EPB41L5: variants seen among roughly 807,000 people sequenced by gnomAD.
The protein encoded by EPB41L5 is band 4.1-like protein 5.
A neutral mutation model predicts 106.6 loss-of-function variants in EPB41L5; 55 were observed. The ratio of observed to expected loss-of-function variants is 0.52; its 90% CI spans 0.42 to 0.65. The LOEUF is 0.65. Among genes scored for constraint, EPB41L5 ranks in the 30% least tolerant of loss-of-function variants. The pLI, the probability that EPB41L5 is intolerant of heterozygous loss-of-function variation, is 0.00. For missense variants in EPB41L5, 871 were observed against 882.1 expected (o/e 0.99, Z 0.16); for synonymous variants, 297 against 306.7 (o/e 0.97, Z 0.33).
intron 20 of EPB41L5, 31 bp from the exon 21 acceptor site, chr2:120,160,850 A>G (rs972837075): frequency 6.5e-7 from 1 of 1,530,834 alleles, no homozygotes; most frequent in Admixed American, 1.7e-5. Flanking sequence ...TACAGGTCCT[A>G]CATGATGTGA....
intron 3 of EPB41L5, among the ~76,000 whole-genome samples, chr2:120,061,031 G>GGTTT: frequency 1.4e-5 from 1 of 69,100 alleles, no homozygotes; most frequent in Non-Finnish European, 2.5e-5. Flanking sequence ...GTTCAGGGAA[G>GGTTT]TTTTTTTTTT....
At chr2:120,041,592 T>C (rs1332007093) in intron 2 of EPB41L5, among the ~76,000 whole-genome samples, 1 of 152,208 alleles carries the variant, frequency 6.6e-6, no homozygotes, top group Non-Finnish European at 1.5e-5. Flanking sequence ...CTCTAAAATC[T>C]GTTTGCAAGT....
At chr2:120,085,504 T>C (rs903926000) in intron 10 of EPB41L5, among the ~76,000 whole-genome samples, 4 of 152,166 alleles carry the variant, frequency 2.6e-5, no homozygotes, top group Non-Finnish European at 5.9e-5. Flanking sequence ...CCGTGTGAGA[T>C]GTCAGTGTGC....
chr2:120,049,036 A>G (rs948254546), intron 3 of EPB41L5, among the ~76,000 whole-genome samples: 3 of 152,166 alleles, frequency 2.0e-5, no homozygotes, highest in Non-Finnish European at 2.9e-5. Context: ...ACAGTTTGTT[A>G]TAATTTCTAT....
intron 16 of EPB41L5, among the ~76,000 whole-genome samples, chr2:120,110,294 C>G (rs924413443): frequency 3.9e-5 from 6 of 152,166 alleles, no homozygotes; most frequent in African/African-American, 1.2e-4. Flanking sequence ...TCTAACAAGC[C>G]ATTGTTTTTA....
chr2:120,142,172 C>G (rs1411386655), intron 18 of EPB41L5, among the ~76,000 whole-genome samples: 1 of 149,396 alleles, frequency 6.7e-6, no homozygotes, highest in African/African-American at 2.5e-5. Flanking sequence ...CCATCTTGAC[C>G]ATTTTTAAGT....
chr2:120,116,440 G>A (rs766929828), intron 16 of EPB41L5, among the ~76,000 whole-genome samples: 10 of 152,130 alleles, frequency 6.6e-5, no homozygotes, highest in Non-Finnish European at 1.2e-4. Context: ...AGGAAGATTA[G>A]GAAAAGCCTT....
rs1407579281 is a variant in EPB41L5, at chr2:120,175,130, T to C, written c.*223T>C. The C allele has an allele frequency of 1.2e-5, 6 of 513,534 alleles. No individual in the cohort carries two copies. The highest frequency in any genetic ancestry group is 9.5e-5 in the African/African-American group (5 of 52,684). 31.8% of individuals were successfully genotyped at this position (513,534 alleles called of 1,614,324 possible). A position where few individuals can be genotyped will look rare whatever the true frequency, so the allele number is the denominator to read the frequency against. ...AAAGAGAGTGTTTGGTCTTGAACTT[T>C]CTATACTTTTATAAATGTTACAAAT... On this transcript the variant is annotated 3_prime_UTR_variant, in exon 25 of 25. Transcript: ENST00000263713.
At chr2:120,127,429 G>A (rs115130563) in intron 16 of EPB41L5, among the ~76,000 whole-genome samples, 1,749 of 152,274 alleles carry the variant, frequency 0.011, 17 homozygotes, top group Middle Eastern at 0.024. Flanking sequence ...GTGTTTGCAT[G>A]TAACCTACAT....
At chr2:120,110,264 C>T (rs1026908550) in intron 16 of EPB41L5, among the ~76,000 whole-genome samples, 4 of 152,176 alleles carry the variant, frequency 2.6e-5, no homozygotes, top group Non-Finnish European at 5.9e-5. Context: ...TCTAACCTCC[C>T]TTCTAACACG....
At chr2:120,139,201 A>G (rs1686066995) in intron 18 of EPB41L5, among the ~76,000 whole-genome samples, 1 of 152,074 alleles carries the variant, frequency 6.6e-6, no homozygotes, top group Non-Finnish European at 1.5e-5. Context: ...ACTTAAATCT[A>G]AGGTCTCAAA....
intron 14 of EPB41L5, among the ~76,000 whole-genome samples, chr2:120,096,680 C>T (rs1203099182): frequency 6.6e-6 from 1 of 152,134 alleles, no homozygotes. Flanking sequence ...ATCCCAGCTA[C>T]TCTGGAGGCT....
intron 7 of EPB41L5, among the ~76,000 whole-genome samples, chr2:120,076,318 G>T (rs1031222033): frequency 7.4e-5 from 11 of 149,136 alleles, no homozygotes; most frequent in Non-Finnish European, 1.6e-4. Context: ...CTTTTGTTTT[G>T]TTTTTTTTTG....
Position 120,026,148 on chromosome 2 carries a change from A to G in EPB41L5, c.180+6884A>G, listed in dbSNP as rs189316708. 4.2e-3 allele frequency among the ~76,000 whole-genome samples: 645 copies of G among 152,342 alleles called. 3 individuals are homozygous for G. Among genetic ancestry groups the G allele is most frequent in the South Asian group, 7.3e-3 (35 of 4,822 alleles). ...GAATAAAGACCTAAAAGTATGAGCT[A>G]AAACTATAAATCCTTAGAAAAAAAT... is the stretch of plus-strand genomic sequence containing the variant. On this transcript the variant is annotated intron_variant, in intron 2 of 24. Transcript: ENST00000263713.
intron 18 of EPB41L5, among the ~76,000 whole-genome samples, chr2:120,141,941 G>A (rs1280030150): frequency 6.6e-6 from 1 of 151,934 alleles, no homozygotes; most frequent in Non-Finnish European, 1.5e-5. Flanking sequence ...GTTTTCCAGT[G>A]TGTGATGTTT....
Position 120,167,861 on chromosome 2 carries a change from T to C in EPB41L5, c.2005-16T>C, listed in dbSNP as rs1219669879. ...TATTGTTACCCTGTATTTAGTTGTG[T>C]GTGTATCTCCCACAGCAGAGTGGTG... On this transcript the variant is annotated splice_polypyrimidine_tract_variant and intron_variant, in intron 23 of 24. Coordinates refer to ENST00000263713, the MANE Select transcript of EPB41L5 (RefSeq NM_020909.4). 1.2e-6 allele frequency: 2 copies of C among 1,614,134 alleles called. No homozygotes were observed. The highest frequency in any genetic ancestry group is 1.7e-5 in the Admixed American group (1 of 60,024).
chr2:120,086,167 C>T (rs889834273), intron 10 of EPB41L5, among the ~76,000 whole-genome samples: 6 of 152,182 alleles, frequency 3.9e-5, no homozygotes, highest in African/African-American at 1.4e-4. Flanking sequence ...CGCCACTGCA[C>T]TCCAGCCTTT....
intron 14 of EPB41L5, among the ~76,000 whole-genome samples, chr2:120,096,767 G>A (rs1683784587): frequency 6.6e-6 from 1 of 152,154 alleles, no homozygotes; most frequent in African/African-American, 2.4e-5. Context: ...TCTAGCCCGG[G>A]TGATAGAGCA....
At chr2:120,057,694 CAG>C (rs1680753703) in intron 3 of EPB41L5, among the ~76,000 whole-genome samples, 2 of 149,718 alleles carry the variant, frequency 1.3e-5, no homozygotes, top group South Asian at 2.1e-4. Flanking sequence ...TATAACTAAA[CAG>C]ATATTTTTAT....
Sources: allele counts gnomAD v4.1 joint callset (sites outside exome capture counted in the v4.1 genomes callset), GRCh38; gene constraint gnomAD v4.1.1; transcripts MANE v1.5; gene names NCBI Gene and HGNC (gene_info 2026-07-23, HGNC 2026-07-21).